The following DNAAF6 variants were observed in gnomAD, a reference collection of about 807,000 sequenced individuals.
The protein encoded by DNAAF6 is PIH1 domain containing 3.
DNAAF6 carries 3 observed loss-of-function variants against 13.7 expected under a neutral mutation model. That is an observed-to-expected ratio of 0.22 (90% CI 0.10 to 0.56). DNAAF6 has a LOEUF of 0.56. Ranked by LOEUF, DNAAF6 falls within the 20% of genes least tolerant of loss-of-function variation. DNAAF6 has a pLI of 0.92. For synonymous variants in DNAAF6, 54 were observed against 49.2 expected, an observed-to-expected ratio of 1.10 and a Z score of -0.41; for missense variants, 130 against 151.0, an observed-to-expected ratio of 0.86 and a Z score of 0.73.
intron 6 of DNAAF6, 76 bp downstream of exon 6, chrX:107,239,083 A>G (rs1280669864): frequency 9.2e-7 from 1 of 1,089,549 alleles, no homozygotes; most frequent in Non-Finnish European, 1.2e-6. Context: ...TTTAAAATGT[A>G]CAGTTATTTT....
chrX:107,229,897 C>T (rs771841348), intron 5 of DNAAF6, among the ~76,000 whole-genome samples: 13 of 110,225 alleles, frequency 1.2e-4, no homozygotes, highest in Admixed American at 7.7e-4. Flanking sequence ...CCGTGTTAGC[C>T]AGGATGGTCT....
intron 5 of DNAAF6, among the ~76,000 whole-genome samples, chrX:107,226,898 C>G (rs1928267583): frequency 9.0e-6 from 1 of 111,126 alleles, no homozygotes; most frequent in South Asian, 3.9e-4. Flanking sequence ...GGATGAGAGT[C>G]AGGGATGGGA....
intron 1 of DNAAF6, 21 bp from the exon 2 acceptor site, chrX:107,212,852 T>G: frequency 8.6e-7 from 1 of 1,157,990 alleles, no homozygotes; most frequent in Middle Eastern, 2.5e-4. Flanking sequence ...AATACCTCTT[T>G]CTGATTATCT....
intron 1 of DNAAF6, among the ~76,000 whole-genome samples, chrX:107,210,638 C>T (rs1157816958): frequency 9.1e-6 from 1 of 110,005 alleles, no homozygotes. Context: ...AGGCTGATCT[C>T]GAACTCCTGA....
rs1030572463 is a variant in DNAAF6, at chrX:107,227,486, G to GT, written c.429+4657dup. Among the ~76,000 whole-genome samples the GT allele has an allele frequency of 7.2e-3, 740 of 102,977 alleles. 7 individuals are homozygous for GT. Among genetic ancestry groups the GT allele is most frequent in the African/African-American group, 0.02 (585 of 28,612 alleles). The allele number at this position is 102,977 out of a possible 115,157, so 89.4% of individuals were successfully genotyped here. On this transcript the variant is annotated intron_variant, in intron 5 of 6. Coordinates refer to ENST00000372453, the MANE Select transcript of DNAAF6 (RefSeq NM_173494.2). ...TATTCCCCTCTAGAGGATGGACCTA[G>GT]TTTTTTTTTTTTGGTAGGCTTCCTG... is the stretch of plus-strand genomic sequence containing the variant.
Position 107,226,896 on chromosome X carries a change from G to A in DNAAF6, c.429+4055G>A, listed in dbSNP as rs189999409. ...AAATCTCACTGAGAATGGGATGAGA[G>A]TCAGGGATGGGATAGAAGTCAGTCA... On this transcript the variant is annotated intron_variant, in intron 5 of 6. Coordinates refer to ENST00000372453, the MANE Select transcript of DNAAF6 (RefSeq NM_173494.2). 8.2e-3 allele frequency among the ~76,000 whole-genome samples: 909 copies of A among 111,395 alleles called. 6 individuals are homozygous for A. Among genetic ancestry groups the A allele is most frequent in the Middle Eastern group, 0.019 (4 of 215 alleles).
intron 2 of DNAAF6, 77 bp downstream of exon 2, chrX:107,213,105 C>A: frequency 9.9e-7 from 1 of 1,010,050 alleles, no homozygotes; most frequent in Non-Finnish European, 1.3e-6. Flanking sequence ...CCTGTTCCCA[C>A]CTAGCTGTGG....
At chrX:107,215,566 T>C (rs750796486) in intron 2 of DNAAF6, among the ~76,000 whole-genome samples, 1 of 112,257 alleles carries the variant, frequency 8.9e-6, no homozygotes, top group South Asian at 3.7e-4. Context: ...GAATAGTTAC[T>C]GTCTCAGACA....
intron 4 of DNAAF6, 70 bp from the exon 5 acceptor site, chrX:107,222,675 C>T: frequency 2.6e-6 from 3 of 1,139,653 alleles, no homozygotes; most frequent in Non-Finnish European, 1.2e-6. Context: ...TCATAAGTTA[C>T]TAGTTTTCTT....
intron 5 of DNAAF6, among the ~76,000 whole-genome samples, chrX:107,238,328 G>C (rs1928562814): frequency 9.0e-6 from 1 of 110,945 alleles, no homozygotes; most frequent in African/African-American, 3.3e-5. Context: ...TGGAATTGCT[G>C]GGCCATGTGG....
chrX:107,219,350 T>C (rs1050055251), intron 4 of DNAAF6, among the ~76,000 whole-genome samples: 9 of 111,863 alleles, frequency 8.0e-5, no homozygotes, highest in African/African-American at 2.6e-4. Flanking sequence ...TTTTAATTAC[T>C]CAATGTTCCA....
intron 1 of DNAAF6, among the ~76,000 whole-genome samples, chrX:107,209,276 A>T (rs180891032): frequency 2.7e-5 from 3 of 112,325 alleles, no homozygotes; most frequent in East Asian, 5.5e-4. Flanking sequence ...TGATTTAAAA[A>T]AAATAAATAA....
chrX:107,237,438 CTT>C (rs1928538565), intron 5 of DNAAF6, among the ~76,000 whole-genome samples: 1 of 112,311 alleles, frequency 8.9e-6, no homozygotes, highest in African/African-American at 3.2e-5. Context: ...TAGACATCAA[CTT>C]CCATCAGAAA....
chrX:107,210,839 G>C (rs1231062872), intron 1 of DNAAF6, among the ~76,000 whole-genome samples: 2 of 111,851 alleles, frequency 1.8e-5, no homozygotes, highest in Non-Finnish European at 3.8e-5. Flanking sequence ...TTAATAAGCA[G>C]TTTAGTTTTT....
intron 1 of DNAAF6, among the ~76,000 whole-genome samples, chrX:107,209,583 C>T (rs1927804691): frequency 9.0e-6 from 1 of 111,230 alleles, no homozygotes; most frequent in African/African-American, 3.3e-5. Context: ...CAGGCGCCCG[C>T]CATCATGCCC....
intron 6 of DNAAF6, 77 bp from the exon 7 acceptor site, chrX:107,243,092 T>G: frequency 9.3e-7 from 1 of 1,072,311 alleles, no homozygotes; most frequent in African/African-American, 1.9e-5. Flanking sequence ...TAGTGGCATA[T>G]GTTGTTTGCA....
intron 5 of DNAAF6, among the ~76,000 whole-genome samples, chrX:107,233,389 T>C (rs937906307): frequency 9.0e-6 from 1 of 111,387 alleles, no homozygotes; most frequent in African/African-American, 3.3e-5. Flanking sequence ...GTTCCACTAC[T>C]TGGTATAATA....
intron 5 of DNAAF6, among the ~76,000 whole-genome samples, chrX:107,236,088 CA>C (rs1928507260): frequency 9.0e-6 from 1 of 111,576 alleles, no homozygotes; most frequent in African/African-American, 3.3e-5. Flanking sequence ...GATCCATGAT[CA>C]CACCACTGCA....
chrX:107,209,049 G>A (rs145324483), intron 1 of DNAAF6, among the ~76,000 whole-genome samples: 4,634 of 111,460 alleles, frequency 0.042, 103 homozygotes, highest in Middle Eastern at 0.1. Context: ...TCTTAGTATT[G>A]TAAAGATAAA....
Sources: gnomAD v4.1 joint callset for allele counts (sites outside exome capture counted in the v4.1 genomes callset) on GRCh38, gnomAD v4.1.1 for gene constraint, MANE v1.5 for transcripts, NCBI Gene and HGNC (gene_info 2026-07-23, HGNC 2026-07-21) for gene names.